CNTNAP2: variants seen among roughly 807,000 people sequenced by gnomAD.
The protein encoded by CNTNAP2 is contactin associated protein 2, also known as contactin-associated protein-like 2.
A neutral mutation model predicts 155.2 loss-of-function variants in CNTNAP2; 98 were observed. The observed-to-expected ratio is 0.63, with a 90% confidence interval of 0.54 to 0.75. CNTNAP2 has a LOEUF of 0.75. CNTNAP2 is among the 30% of genes least tolerant of loss of function. CNTNAP2 has a pLI of 0.00. For synonymous variants in CNTNAP2, 651 were observed against 631.2 expected (o/e 1.03, Z -0.47); for missense variants, 1,727 against 1,688.1 (o/e 1.02, Z -0.40).
intron 6 of CNTNAP2, among the ~76,000 whole-genome samples, chr7:147,126,375 C>A (rs748844276): frequency 2.6e-5 from 4 of 152,112 alleles, no homozygotes; most frequent in Admixed American, 6.6e-5. Context: ...GAATATTAAT[C>A]GGACAACTGC....
At chr7:147,061,107 G>T (rs1799661858) in intron 4 of CNTNAP2, among the ~76,000 whole-genome samples, 1 of 137,908 alleles carries the variant, frequency 7.3e-6, no homozygotes, top group African/African-American at 3.3e-5. Context: ...TGAGCGGTGG[G>T]TGCCAGGGGC....
At chr7:147,662,034 G>T (rs78186153) in intron 13 of CNTNAP2, among the ~76,000 whole-genome samples, 11,904 of 152,130 alleles carry the variant, frequency 0.078, 568 homozygotes, top group South Asian at 0.14. Flanking sequence ...AGATACCTCT[G>T]AGTCTTGGTT....
At chr7:146,441,762 C>T (rs1001110685) in intron 1 of CNTNAP2, among the ~76,000 whole-genome samples, 7 of 151,604 alleles carry the variant, frequency 4.6e-5, no homozygotes, top group South Asian at 2.1e-4. Flanking sequence ...CTCTTTTCTT[C>T]GCTCCTGGGT....
chr7:148,160,047 C>A lies in CNTNAP2; in HGVS notation c.2774-12195C>A, dbSNP rs528722122. ...TGTGCCCAGGAGTTCAGGACCAGCC[C>A]GGGCAACATGGTGAAACCCCATCTC... On this transcript the variant is annotated intron_variant, in intron 17 of 23. Transcript: ENST00000361727. 7.9e-5 allele frequency among the ~76,000 whole-genome samples: 12 copies of A among 152,130 alleles called. 1 individual carries two copies. In the South Asian group the frequency reaches 2.5e-3, roughly 32 times the overall value.
intron 9 of CNTNAP2, among the ~76,000 whole-genome samples, chr7:147,364,696 A>C (rs1796196241): frequency 6.6e-6 from 1 of 152,124 alleles, no homozygotes; most frequent in South Asian, 2.1e-4. Flanking sequence ...AAAAATACAA[A>C]AAATTAGCCG....
chr7:146,461,414 A>ATATAT (rs1563092966), intron 1 of CNTNAP2, among the ~76,000 whole-genome samples: 2,430 of 148,812 alleles, frequency 0.016, 67 homozygotes, highest in African/African-American at 0.057. Context: ...CAAAAAAAAA[A>ATATAT]AATATAATAA....
intron 1 of CNTNAP2, among the ~76,000 whole-genome samples, chr7:146,454,730 G>A (rs1362327987): frequency 6.6e-6 from 1 of 151,812 alleles, no homozygotes; most frequent in East Asian, 1.9e-4. Context: ...AAATAAGAGA[G>A]ATAGATAGAT....
chr7:147,321,849 T>G (rs1411086541), intron 9 of CNTNAP2, among the ~76,000 whole-genome samples: 1 of 152,192 alleles, frequency 6.6e-6, no homozygotes, highest in Non-Finnish European at 1.5e-5. Flanking sequence ...TTAGGCTTTG[T>G]CACACATAGC....
chr7:146,679,587 C>G (rs918748911), intron 1 of CNTNAP2, among the ~76,000 whole-genome samples: 4 of 152,002 alleles, frequency 2.6e-5, no homozygotes, highest in African/African-American at 7.2e-5. Context: ...GAACGCCTGA[C>G]CTCATGATCC....
chr7:147,452,611 C>A (rs1292915094), intron 10 of CNTNAP2, among the ~76,000 whole-genome samples: 5 of 152,090 alleles, frequency 3.3e-5, no homozygotes, highest in Non-Finnish European at 7.4e-5. Context: ...GAAGTTCATG[C>A]TAAATTTTAC....
rs571250258 is a variant in CNTNAP2 at position 146,977,622 on chromosome 7, C to T, written c.403-66285C>T. On this transcript the variant is annotated intron_variant, in intron 3 of 23. Transcript: ENST00000361727. ...ATGACAGGGTAAATTAACTATTTCA[C>T]TTTATCAAATGTTTTAATAAACTCT... is the stretch of plus-strand genomic sequence containing the variant. Among the ~76,000 whole-genome samples the T allele has an allele frequency of 2.0e-5, 3 of 152,268 alleles. 1 individual carries two copies. Among genetic ancestry groups the T allele is most frequent in the African/African-American group, 4.8e-5 (2 of 41,558 alleles).
chr7:148,299,534 C>T (rs1797344744), intron 21 of CNTNAP2, among the ~76,000 whole-genome samples: 1 of 152,178 alleles, frequency 6.6e-6, no homozygotes, highest in Non-Finnish European at 1.5e-5. Flanking sequence ...TTTCCAAGGG[C>T]ACACAGATAA....
At chr7:146,401,200 C>A (rs1259743528) in intron 1 of CNTNAP2, among the ~76,000 whole-genome samples, 1 of 152,122 alleles carries the variant, frequency 6.6e-6, no homozygotes, top group Non-Finnish European at 1.5e-5. Flanking sequence ...CCCTGCCGCT[C>A]AGCTAACAGC....
At chr7:146,978,836 C>T (rs968214094) in intron 3 of CNTNAP2, among the ~76,000 whole-genome samples, 2 of 152,014 alleles carry the variant, frequency 1.3e-5, no homozygotes, top group Non-Finnish European at 1.5e-5. Context: ...TTTCAAGTAG[C>T]TCTCAGTGCA....
chr7:147,896,221 G>C (rs1799773797), intron 13 of CNTNAP2, among the ~76,000 whole-genome samples: 1 of 152,192 alleles, frequency 6.6e-6, no homozygotes, highest in South Asian at 2.1e-4. Flanking sequence ...GTCCCATCCT[G>C]TTGTGTAATA....
At chr7:147,369,654 G>A (rs1482286702) in intron 9 of CNTNAP2, among the ~76,000 whole-genome samples, 1 of 152,154 alleles carries the variant, frequency 6.6e-6, no homozygotes, top group Admixed American at 6.5e-5. Context: ...AGCAGTCGTA[G>A]ACAATATGTA....
chr7:147,679,915 A>G (rs1427598252), intron 13 of CNTNAP2, among the ~76,000 whole-genome samples: 1 of 151,944 alleles, frequency 6.6e-6, no homozygotes, highest in Non-Finnish European at 1.5e-5. Flanking sequence ...AAATGTTTAA[A>G]ATATGCATTC....
At position 148,061,529 on chromosome 7, in the gene CNTNAP2, A is replaced by G. The variant is rs565349836; in HGVS notation, c.2384-56589A>G. ...CCATCACGCCTGGCTAATTTTTTGT[A>G]TTTTTAGTAGAGACGAGGTTTCACC... On this transcript the variant is annotated intron_variant, in intron 15 of 23. Coordinates refer to ENST00000361727, the MANE Select transcript of CNTNAP2 (RefSeq NM_014141.6). Among the ~76,000 whole-genome samples, 22 of 151,952 alleles carry G rather than the reference A, an allele frequency of 1.4e-4. No homozygotes were observed. The East Asian group carries it at 4.3e-3, about 30-fold the overall frequency.
At chr7:146,238,342 C>T (rs1799507377) in intron 1 of CNTNAP2, among the ~76,000 whole-genome samples, 1 of 152,108 alleles carries the variant, frequency 6.6e-6, no homozygotes, top group Non-Finnish European at 1.5e-5. Flanking sequence ...TGTGCTATTA[C>T]ACACAGTTTT....
Sources: allele counts gnomAD v4.1 joint callset (sites outside exome capture counted in the v4.1 genomes callset), GRCh38; gene constraint gnomAD v4.1.1; transcripts MANE v1.5; gene names NCBI Gene and HGNC (gene_info 2026-07-23, HGNC 2026-07-21).